CAP2: variants seen among roughly 807,000 people sequenced by gnomAD.
The protein encoded by CAP2 is cyclase associated actin cytoskeleton regulatory protein 2, also known as adenylyl cyclase-associated protein 2.
CAP2 carries 24 observed loss-of-function variants against 57.7 expected under a neutral mutation model. The observed-to-expected ratio is 0.42, with a 90% CI of 0.30 to 0.58. The LOEUF is 0.58. Ranked by LOEUF, CAP2 falls within the 20% of genes least tolerant of loss-of-function variation. CAP2 has a pLI of 0.22. For missense variants in CAP2, 501 were observed against 590.3 expected (o/e 0.85, Z 1.57); for synonymous variants, 194 against 207.2 (o/e 0.94, Z 0.55).
chr6:17,408,660 C>CTTTT (rs35571407), intron 1 of CAP2, among the ~76,000 whole-genome samples: 13 of 120,430 alleles, frequency 1.1e-4, no homozygotes, highest in Admixed American at 2.6e-4. Flanking sequence ...TGATAGCCTC[C>CTTTT]TTTTTTTTTT....
intron 4 of CAP2, among the ~76,000 whole-genome samples, chr6:17,470,058 T>C (rs1261928025): frequency 1.3e-5 from 2 of 152,246 alleles, no homozygotes; most frequent in African/African-American, 2.4e-5. Context: ...GAGCAGAAAC[T>C]TTGGACTTGG....
intron 1 of CAP2, among the ~76,000 whole-genome samples, chr6:17,412,853 G>A (rs766590507): frequency 6.6e-6 from 1 of 152,186 alleles, no homozygotes; most frequent in Non-Finnish European, 1.5e-5. Context: ...TTCGATAGTC[G>A]ATGGAGATGT....
intron 1 of CAP2, among the ~76,000 whole-genome samples, chr6:17,398,286 G>A (rs1371531470): frequency 1.3e-5 from 2 of 152,078 alleles, no homozygotes; most frequent in Non-Finnish European, 2.9e-5. Flanking sequence ...GCCTCGTATT[G>A]TATATCCTGC....
In CAP2 at chr6:17,544,978, T is replaced by C. The variant is rs184589738; in HGVS notation, c.1209+1835T>C. ...CAGAAAAAGCCCGGTACTTCAAGGA[T>C]GATCATGGTTCATAGAAACCTAATG... On this transcript the variant is annotated intron_variant, in intron 11 of 12. Transcript: ENST00000229922. Among the ~76,000 whole-genome samples, 31 of 152,368 alleles carry C rather than the reference T, an allele frequency of 2.0e-4. 1 individual carries two copies. The highest frequency in any genetic ancestry group is 6.7e-4 in the African/African-American group (28 of 41,598).
chr6:17,499,398 CAAA>C (rs71002217), intron 4 of CAP2, among the ~76,000 whole-genome samples: 33 of 69,564 alleles, frequency 4.7e-4, no homozygotes, highest in African/African-American at 1.5e-3. Flanking sequence ...GACTCCATCT[CAAA>C]AAAAAAAAAA....
intron 7 of CAP2, among the ~76,000 whole-genome samples, chr6:17,515,399 T>G (rs1483127153): frequency 6.6e-6 from 1 of 152,004 alleles, no homozygotes; most frequent in African/African-American, 2.4e-5. Flanking sequence ...AAGTGGAAGC[T>G]AAATAATGGG....
At chr6:17,477,071 A>C (rs567779828) in intron 4 of CAP2, among the ~76,000 whole-genome samples, 1 of 151,960 alleles carries the variant, frequency 6.6e-6, no homozygotes, top group Non-Finnish European at 1.5e-5. Flanking sequence ...GGGTTTCACC[A>C]TGTTGGCCAG....
chr6:17,484,518 T>C (rs1485252491), intron 4 of CAP2, among the ~76,000 whole-genome samples: 3 of 152,234 alleles, frequency 2.0e-5, no homozygotes, highest in Non-Finnish European at 4.4e-5. Flanking sequence ...GCTGACAGGA[T>C]AAATATCATA....
intron 4 of CAP2, among the ~76,000 whole-genome samples, chr6:17,495,392 C>T (rs1013458705): frequency 2.0e-5 from 3 of 152,202 alleles, no homozygotes; most frequent in South Asian, 2.1e-4. Context: ...TTTTATTACA[C>T]AGTCATGATT....
At chr6:17,421,497 G>A (rs1759445268) in intron 1 of CAP2, 58 bp from the exon 2 acceptor site, 1 of 1,593,920 alleles carries the variant, frequency 6.3e-7, no homozygotes, top group Admixed American at 1.7e-5. Flanking sequence ...TGATGGTGTT[G>A]GTTTACTCAT....
intron 6 of CAP2, among the ~76,000 whole-genome samples, chr6:17,509,689 C>T (rs1762095101): frequency 6.6e-6 from 1 of 151,994 alleles, no homozygotes; most frequent in South Asian, 2.1e-4. Flanking sequence ...AAAAAAGGAG[C>T]CATATCCAGC....
At chr6:17,533,127 T>G (rs1176800027) in intron 7 of CAP2, among the ~76,000 whole-genome samples, 1 of 135,028 alleles carries the variant, frequency 7.4e-6, no homozygotes, top group Non-Finnish European at 1.6e-5. Flanking sequence ...CCTTTCATAA[T>G]AAAATCTAAA....
At chr6:17,472,333 CAAA>C (rs752046741) in intron 4 of CAP2, among the ~76,000 whole-genome samples, 1 of 102,334 alleles carries the variant, frequency 9.8e-6, no homozygotes. Context: ...GACTCCGTCT[CAAA>C]AAAAAAAAAA....
intron 1 of CAP2, among the ~76,000 whole-genome samples, chr6:17,404,429 C>T (rs997699557): frequency 6.6e-6 from 1 of 152,132 alleles, no homozygotes; most frequent in African/African-American, 2.4e-5. Flanking sequence ...CACGGTGAAA[C>T]CCCGTCTCTA....
At chr6:17,507,079 C>A (rs1377657794) in intron 4 of CAP2, 90 bp from the exon 5 acceptor site, 1 of 1,331,460 alleles carries the variant, frequency 7.5e-7, no homozygotes, top group Non-Finnish European at 1.1e-6. Flanking sequence ...ACGGCAGGTC[C>A]TGAATTCTCC....
intron 4 of CAP2, among the ~76,000 whole-genome samples, chr6:17,467,533 T>C (rs73375226): frequency 1.3e-5 from 2 of 152,264 alleles, no homozygotes; most frequent in Admixed American, 6.5e-5. Context: ...AACGTTTGTT[T>C]GTTTTTTTGG....
chr6:17,468,869 A>G (rs1760942476), intron 4 of CAP2, among the ~76,000 whole-genome samples: 1 of 152,232 alleles, frequency 6.6e-6, no homozygotes, highest in African/African-American at 2.4e-5. Context: ...ATCCAGCCCC[A>G]GGATGTAGAC....
chr6:17,465,524 A>G lies in CAP2; in HGVS notation c.300+2451A>G, dbSNP rs138815082. Among the ~76,000 whole-genome samples the G allele has an allele frequency of 2.2e-4, 33 of 152,192 alleles. 1 individual carries two copies. The highest frequency in any genetic ancestry group is 7.7e-4 in the African/African-American group (32 of 41,516). ...ACCTCCCTTCCTGGCCCTTCTCTCT[A>G]CTTCCCTTTCCTCTTTATTCAGAAC... On this transcript the variant is annotated intron_variant, in intron 4 of 12. Coordinates refer to ENST00000229922, the MANE Select transcript of CAP2 (RefSeq NM_006366.3).
At chr6:17,401,161 G>A (rs968675969) in intron 1 of CAP2, among the ~76,000 whole-genome samples, 4 of 152,214 alleles carry the variant, frequency 2.6e-5, no homozygotes, top group African/African-American at 9.6e-5. Flanking sequence ...GGTATTAGGA[G>A]TGGAAGGCCT....
Sources: gnomAD v4.1 joint callset for allele counts (sites outside exome capture counted in the v4.1 genomes callset) on GRCh38, gnomAD v4.1.1 for gene constraint, MANE v1.5 for transcripts, NCBI Gene and HGNC (gene_info 2026-07-23, HGNC 2026-07-21) for gene names.